Variants in CCDC141 observed in about 807,000 individuals in gnomAD.
The protein encoded by CCDC141 is coiled-coil domain-containing protein 141.
A neutral mutation model predicts 181.0 loss-of-function variants in CCDC141; 168 were observed. The observed-to-expected ratio is 0.93, with a 90% CI of 0.82 to 1.05. The LOEUF (loss-of-function observed/expected upper bound fraction) is 1.05, where lower values mean the gene tolerates loss of function less well. Among genes scored for constraint, CCDC141 ranks in the 50% least tolerant of loss-of-function variants. CCDC141 has a pLI of 0.00. For missense variants in CCDC141, 1,902 were observed against 1,788.5 expected, an observed-to-expected ratio of 1.06 and a Z score of -1.14; for synonymous variants, 666 against 642.3, an observed-to-expected ratio of 1.04 and a Z score of -0.56.
At chr2:178,881,005 T>C (rs1686578096) in intron 11 of CCDC141, among the ~76,000 whole-genome samples, 2 of 152,156 alleles carry the variant, frequency 1.3e-5, no homozygotes. Flanking sequence ...GGAACCACTT[T>C]TGAGTTATTG....
At chr2:178,819,808 C>T in the CCDC141 span, among the ~76,000 whole-genome samples, 3 of 152,072 alleles carry the variant, frequency 2.0e-5, no homozygotes, top group Non-Finnish European at 4.4e-5. Context: ...TAGAGAAATA[C>T]ACCACAAATA....
At chr2:178,930,201 T>A (rs1392570434) in intron 6 of CCDC141, among the ~76,000 whole-genome samples, 3 of 152,074 alleles carry the variant, frequency 2.0e-5, no homozygotes, top group Non-Finnish European at 4.4e-5. Flanking sequence ...AGAAAATGAT[T>A]TCATTCATGG....
At chr2:178,929,635 A>T (rs1450150353) in intron 6 of CCDC141, among the ~76,000 whole-genome samples, 1 of 152,150 alleles carries the variant, frequency 6.6e-6, no homozygotes, top group Non-Finnish European at 1.5e-5. Flanking sequence ...ACAACAAAAA[A>T]ATTAAGTTGT....
Position 178,837,394 on chromosome 2 carries a change from T to C in CCDC141, c.3825A>G (p.Ala1275=), listed in dbSNP as rs1561620993. 1 of 1,614,142 alleles carries C rather than the reference T, an allele frequency of 6.2e-7. No individual in the cohort carries two copies. Among genetic ancestry groups the C allele is most frequent in the Non-Finnish European group, 8.5e-7 (1 of 1,179,990 alleles). Residue 1275 remains alanine (A), a synonymous_variant, in exon 23 of 24, where the codon GCA becomes GCG. Coordinates refer to ENST00000443758, the MANE Select transcript of CCDC141 (RefSeq NM_173648.4). ...VLPPPVAFAD[A]CNDKRETFSS... ...AAAATGTTTCTCTCTTATCATTGCA[T>C]GCATCCGCAAAGGCAACAGGTGGTG...
chr2:178,884,580 T>C (rs933489499), intron 11 of CCDC141, among the ~76,000 whole-genome samples: 2 of 152,194 alleles, frequency 1.3e-5, no homozygotes, highest in South Asian at 4.1e-4. Context: ...CTCCCTCCTT[T>C]TTGTTTTCCT....
At chr2:178,911,848 G>A (rs1688233330) in intron 7 of CCDC141, among the ~76,000 whole-genome samples, 1 of 152,198 alleles carries the variant, frequency 6.6e-6, no homozygotes, top group Admixed American at 6.5e-5. Context: ...TGTCTCAGAG[G>A]AGGCACTATG....
At chr2:178,839,402 G>A (rs1258830526) in intron 22 of CCDC141, among the ~76,000 whole-genome samples, 6 of 141,916 alleles carry the variant, frequency 4.2e-5, no homozygotes, top group Non-Finnish European at 9.3e-5. Context: ...AACAGAGTGA[G>A]ACTCTGTCTC....
At chr2:178,937,737 T>G (rs1485125135) in intron 6 of CCDC141, among the ~76,000 whole-genome samples, 1 of 152,064 alleles carries the variant, frequency 6.6e-6, no homozygotes, top group Non-Finnish European at 1.5e-5. Flanking sequence ...TGTTTATTAT[T>G]TGTTCAATTT....
intron 13 of CCDC141, 85 bp downstream of exon 13, chr2:178,872,048 A>C: frequency 7.5e-7 from 1 of 1,326,414 alleles, no homozygotes; most frequent in African/African-American, 1.5e-5. Context: ...GGCTTATTTC[A>C]CTTAGCTAGT....
chr2:178,905,383 G>C lies in CCDC141; in HGVS notation c.1211C>G (p.Thr404Arg). The change falls in exon 8 of 24, where the codon ACA becomes AGA. Residue 404 changes from threonine to arginine, a missense_variant. Coordinates refer to ENST00000443758, the MANE Select transcript of CCDC141 (RefSeq NM_173648.4). ...TTGTCCCTTTTGCAAAGCATCAGTT[G>C]TGCAGTCTTTAATTTTTCTGTGTAA... is the stretch of plus-strand genomic sequence containing the variant. Reference protein sequence around the residue: ...EELHRKIKDCTTDALQKGQTL... With the variant: ...EELHRKIKDCRTDALQKGQTL... 1 of 1,550,622 alleles carries C rather than the reference G, an allele frequency of 6.4e-7. No individual in the cohort carries two copies. Among genetic ancestry groups the C allele is most frequent in the Non-Finnish European group, 8.7e-7 (1 of 1,146,942 alleles).
Position 179,015,209 on chromosome 2 carries a change from A to ATATATC in CCDC141, c.225+32074_225+32075insGATATA, listed in dbSNP as rs1553502829. Among the ~76,000 whole-genome samples, 178 of 126,228 alleles carry ATATATC rather than the reference A, an allele frequency of 1.4e-3. 3 individuals carry two copies. The highest frequency in any genetic ancestry group is 2.4e-3 in the Non-Finnish European group (146 of 61,812). The allele number at this position is 126,228 out of a possible 152,430, so 82.8% of individuals were successfully genotyped here. A position where few individuals can be genotyped will look rare whatever the true frequency, so the allele number is the denominator to read the frequency against. ...ATCTCATCTCATAAATATCATATAT[A>ATATATC]TCATATATCTCATATATACCTCATA... is the stretch of plus-strand genomic sequence containing the variant. On this transcript the variant is annotated intron_variant, in intron 2 of 23. Transcript: ENST00000443758.
At chr2:178,829,596 A>G (rs1241837709), downstream of CCDC141, among the ~76,000 whole-genome samples, 5 of 152,242 alleles carry the variant, frequency 3.3e-5, no homozygotes, top group Admixed American at 3.3e-4. Flanking sequence ...ATCTCCTGTG[A>G]TAAGCACAGA....
intron 17 of CCDC141, among the ~76,000 whole-genome samples, chr2:178,863,167 A>G (rs1397931663): frequency 6.6e-6 from 1 of 152,192 alleles, no homozygotes; most frequent in Non-Finnish European, 1.5e-5. Context: ...CCCCTGGAAC[A>G]CCCTGAGCTG....
At chr2:178,985,129 G>A (rs1360469408) in intron 2 of CCDC141, among the ~76,000 whole-genome samples, 4 of 151,070 alleles carry the variant, frequency 2.6e-5, no homozygotes, top group Non-Finnish European at 4.4e-5. Flanking sequence ...TCAGACCACA[G>A]TGCAATCGAA....
rs756844319 is a variant in CCDC141, at chr2:178,888,648, T to C, written c.1286A>G (p.His429Arg). ...TCTCTTAATGCACCCCATCATCTCA[T>C]GGATGCCGGACACCTGAGAGCTGAA... ...DSCSSQVSGI[H>R]EMMGCIKRRV... The change falls in exon 9 of 24, where the codon CAT becomes CGT. Residue 429 changes from histidine (H) to arginine (R), a missense_variant. His to Arg is a conservative substitution (Grantham distance 29). Coordinates refer to ENST00000443758, the MANE Select transcript of CCDC141 (RefSeq NM_173648.4). The C allele has an allele frequency of 1.4e-5, 22 of 1,550,608 alleles. No individual in the cohort carries two copies. In the South Asian group the frequency reaches 2.3e-4, roughly 16 times the overall value.
chr2:178,900,925 T>G (rs910382711), intron 8 of CCDC141, among the ~76,000 whole-genome samples: 7 of 152,160 alleles, frequency 4.6e-5, no homozygotes, highest in Non-Finnish European at 8.8e-5. Flanking sequence ...GGAAAATACA[T>G]GAGATGAGCC....
At chr2:179,011,142 G>A (rs1387039274) in intron 2 of CCDC141, among the ~76,000 whole-genome samples, 1 of 151,836 alleles carries the variant, frequency 6.6e-6, no homozygotes, top group Non-Finnish European at 1.5e-5. Flanking sequence ...TGGGCAATAG[G>A]GTGAGACTCT....
At chr2:178,861,357 C>A (rs185942584) in intron 17 of CCDC141, among the ~76,000 whole-genome samples, 2 of 151,902 alleles carry the variant, frequency 1.3e-5, no homozygotes, top group African/African-American at 4.8e-5. Context: ...TTTGTAGGGC[C>A]GGGCACAGTG....
chr2:178,888,050 C>G (rs1358340112), intron 9 of CCDC141, among the ~76,000 whole-genome samples: 1 of 152,188 alleles, frequency 6.6e-6, no homozygotes, highest in Non-Finnish European at 1.5e-5. Flanking sequence ...TTGCCTTGCA[C>G]TGGTCTAGTT....
Sources: gnomAD v4.1 joint callset for allele counts (sites outside exome capture counted in the v4.1 genomes callset) on GRCh38, gnomAD v4.1.1 for gene constraint, MANE v1.5 for transcripts, NCBI Gene and HGNC (gene_info 2026-07-23, HGNC 2026-07-21) for gene names.